The following ASIC2 variants were observed in gnomAD, a reference collection of about 807,000 sequenced individuals.
The protein encoded by ASIC2 is acid-sensing ion channel 2.
A neutral mutation model predicts 57.3 loss-of-function variants in ASIC2; 25 were observed. That is an observed-to-expected ratio of 0.44 (90% confidence interval 0.32 to 0.61). The LOEUF is 0.61. Ranked by LOEUF, ASIC2 falls within the 20% of genes least tolerant of loss-of-function variation. The pLI is 0.06. For synonymous variants in ASIC2, 319 were observed against 307.5 expected (o/e 1.04, Z -0.39); for missense variants, 641 against 738.1 (o/e 0.87, Z 1.52).
chr17:33,699,864 T>C (rs138023915), intron 1 of ASIC2, among the ~76,000 whole-genome samples: 1 of 152,356 alleles, frequency 6.6e-6, no homozygotes, highest in East Asian at 1.9e-4. Flanking sequence ...TGTCATGAAC[T>C]TACAGCATGA....
chr17:33,158,257 G>A (rs903996853), intron 1 of ASIC2, among the ~76,000 whole-genome samples: 1 of 151,834 alleles, frequency 6.6e-6, no homozygotes, highest in Admixed American at 6.6e-5. Flanking sequence ...CTAGCGCATA[G>A]GAGGTGCTCA....
intron 1 of ASIC2, among the ~76,000 whole-genome samples, chr17:33,500,707 G>C (rs1914075718): frequency 6.6e-6 from 1 of 152,198 alleles, no homozygotes; most frequent in Non-Finnish European, 1.5e-5. Flanking sequence ...AAACTTATCC[G>C]ATGATAAAAC....
rs78620698 is a variant in ASIC2 at position 34,092,934 on chromosome 17, A to C, written c.555+63044T>G. On this transcript the variant is annotated intron_variant, in intron 1 of 9. Transcript: ENST00000359872. ...ATTGTTTTGCATGTTTTCAAACTTT[A>C]TATCAATGGTATCATAAAATATGCA... Among the ~76,000 whole-genome samples the C allele has an allele frequency of 6.4e-3, 968 of 152,292 alleles. 15 individuals are homozygous for C. The highest frequency in any genetic ancestry group is 0.022 in the African/African-American group (934 of 41,552).
In ASIC2 at chr17:33,156,286, C is replaced by A. The variant is rs542749846; in HGVS notation, c.709-44219G>T. Among the ~76,000 whole-genome samples the A allele has an allele frequency of 9.0e-4, 136 of 151,870 alleles. 5 individuals are homozygous for A. In the South Asian group the frequency reaches 0.028, roughly 31 times the overall value. On this transcript the variant is annotated intron_variant, in intron 1 of 9. Transcript: ENST00000225823. Reference sequence around the variant, plus strand: ...GGGATTACAGGCACCTGCCACTGCACCTGGCTAATTTTTGTATTTTTAGTA... The same window carrying A: ...GGGATTACAGGCACCTGCCACTGCAACTGGCTAATTTTTGTATTTTTAGTA...
chr17:33,015,345 G>A (rs929469680), intron 9 of ASIC2, among the ~76,000 whole-genome samples: 7 of 152,210 alleles, frequency 4.6e-5, no homozygotes, highest in Non-Finnish European at 8.8e-5. Context: ...CAGCCACAGA[G>A]GGGCTGCCCT....
chr17:34,026,531 AC>A (rs1446826845), intron 1 of ASIC2, among the ~76,000 whole-genome samples: 10 of 152,298 alleles, frequency 6.6e-5, no homozygotes, highest in African/African-American at 2.4e-4. Context: ...GTTTCCAAAA[AC>A]AATCATTTCA....
chr17:33,985,860 C>T (rs533783418), intron 1 of ASIC2, among the ~76,000 whole-genome samples: 14 of 152,356 alleles, frequency 9.2e-5, no homozygotes, highest in Non-Finnish European at 1.9e-4. Context: ...GGTCCACAGG[C>T]CTTCCCTGAG....
At chr17:33,906,477 A>G (rs1210469262) in intron 1 of ASIC2, among the ~76,000 whole-genome samples, 2 of 152,234 alleles carry the variant, frequency 1.3e-5, no homozygotes, top group South Asian at 2.1e-4. Flanking sequence ...GAGAAGATGC[A>G]TGATGGAAAT....
intron 1 of ASIC2, among the ~76,000 whole-genome samples, chr17:33,194,655 C>T (rs2142071800): frequency 4.5e-5 from 1 of 21,980 alleles, no homozygotes. Context: ...GGATATCAAT[C>T]TGTTATTCCC....
intron 4 of ASIC2, among the ~76,000 whole-genome samples, chr17:33,026,895 C>T (rs541808900): frequency 1.3e-5 from 2 of 152,264 alleles, no homozygotes; most frequent in South Asian, 4.1e-4. Flanking sequence ...CCAAAAACAA[C>T]AGATTAAATG....
At chr17:33,300,861 G>T (rs117392612) in intron 1 of ASIC2, among the ~76,000 whole-genome samples, 218 of 152,242 alleles carry the variant, frequency 1.4e-3, no homozygotes, top group Middle Eastern at 6.8e-3. Context: ...GGAAATTGAG[G>T]TAAGTTTAGT....
At chr17:33,304,448 A>G (rs1300818039) in intron 1 of ASIC2, among the ~76,000 whole-genome samples, 1 of 152,194 alleles carries the variant, frequency 6.6e-6, no homozygotes, top group Non-Finnish European at 1.5e-5. Flanking sequence ...TGTCTCTATA[A>G]AGTGTTCTTA....
intron 1 of ASIC2, among the ~76,000 whole-genome samples, chr17:33,963,668 C>A (rs1338903944): frequency 3.3e-5 from 5 of 151,712 alleles, no homozygotes; most frequent in African/African-American, 1.2e-4. Flanking sequence ...ATATATATCA[C>A]CATCATTGTC....
At position 33,343,007 on chromosome 17, in the gene ASIC2, G is replaced by A. The variant is rs146684715; in HGVS notation, c.556-230940C>T. On this transcript the variant is annotated intron_variant, in intron 1 of 9. Coordinates refer to the ASIC2 transcript ENST00000359872. Reference sequence around the variant, plus strand: ...AACTTTAGCTAAATAGGTGAGCTGAGGTCAGCATTCAGAAGTAGCTTCAAG... The same window carrying A: ...AACTTTAGCTAAATAGGTGAGCTGAAGTCAGCATTCAGAAGTAGCTTCAAG... Among the ~76,000 whole-genome samples, 106 of 152,288 alleles carry A rather than the reference G, an allele frequency of 7.0e-4. 1 individual carries two copies. Among genetic ancestry groups the A allele is most frequent in the South Asian group, 1.2e-3 (6 of 4,820 alleles).
At chr17:33,506,974 A>G (rs1388206504) in intron 1 of ASIC2, among the ~76,000 whole-genome samples, 1 of 152,168 alleles carries the variant, frequency 6.6e-6, no homozygotes, top group Non-Finnish European at 1.5e-5. Context: ...AGGAAATGAG[A>G]GCAGAGGAGG....
At chr17:33,923,087 A>G (rs1040961896) in intron 1 of ASIC2, among the ~76,000 whole-genome samples, 4 of 152,204 alleles carry the variant, frequency 2.6e-5, no homozygotes, top group Non-Finnish European at 5.9e-5. Context: ...AAGCAAGAGC[A>G]CATGGAACCT....
chr17:33,849,369 G>A (rs937566877), intron 1 of ASIC2, among the ~76,000 whole-genome samples: 4 of 152,164 alleles, frequency 2.6e-5, no homozygotes, highest in African/African-American at 7.2e-5. Context: ...GGCCCTAAGA[G>A]GTACAGATCA....
intron 1 of ASIC2, among the ~76,000 whole-genome samples, chr17:33,437,581 C>G (rs1911671352): frequency 6.6e-6 from 1 of 152,120 alleles, no homozygotes; most frequent in African/African-American, 2.4e-5. Flanking sequence ...GTGGGCAGAT[C>G]ACTTGAGGTC....
At chr17:33,446,238 G>A (rs562786692) in intron 1 of ASIC2, among the ~76,000 whole-genome samples, 53 of 152,218 alleles carry the variant, frequency 3.5e-4, no homozygotes, top group African/African-American at 1.3e-3. Context: ...GTGGAGAAAA[G>A]CATCATCTGA....
Sources: gnomAD v4.1 joint callset for allele counts (sites outside exome capture counted in the v4.1 genomes callset) on GRCh38, gnomAD v4.1.1 for gene constraint, MANE v1.5 for transcripts, NCBI Gene and HGNC (gene_info 2026-07-23, HGNC 2026-07-21) for gene names.